GPC6: variants seen among roughly 807,000 people sequenced by gnomAD.
GPC6 encodes glypican-6.
Under a neutral mutation model 55.2 loss-of-function variants are expected in GPC6, and 14 were observed. The observed-to-expected ratio is 0.25, with a 90% CI of 0.17 to 0.40. GPC6 has a LOEUF of 0.40. GPC6 is among the 10% of genes least tolerant of loss of function. GPC6 has a pLI of 1.00. For missense variants in GPC6, 641 were observed against 708.5 expected (o/e 0.90, Z 1.08); for synonymous variants, 278 against 259.6 (o/e 1.07, Z -0.68).
Position 93,534,667 on chromosome 13 carries a change from G to A in GPC6, c.161-10596G>A, listed in dbSNP as rs1052939337. ...GTAGTGAAAATGAACATCTGGGCAA[G>A]CATTTGGGAAAATATCTTGTGAAGA... On this transcript the variant is annotated intron_variant, in intron 1 of 8. Coordinates refer to ENST00000377047, the MANE Select transcript of GPC6 (RefSeq NM_005708.5). Among the ~76,000 whole-genome samples, 7 of 152,298 alleles carry A rather than the reference G, an allele frequency of 4.6e-5. No individual in the cohort carries two copies. The East Asian group carries it at 1.2e-3, about 25-fold the overall frequency.
chr13:94,198,833 CT>C (rs1365745519), intron 4 of GPC6, among the ~76,000 whole-genome samples: 1 of 152,198 alleles, frequency 6.6e-6, no homozygotes, highest in African/African-American at 2.4e-5. Context: ...GCTCAACCCC[CT>C]GCCGGAGCTG....
intron 4 of GPC6, among the ~76,000 whole-genome samples, chr13:94,153,697 A>T (rs533524329): frequency 3.0e-4 from 45 of 152,324 alleles, no homozygotes; most frequent in Non-Finnish European, 5.9e-4. Flanking sequence ...TTAAATGTGG[A>T]CTAGGTTCTT....
intron 2 of GPC6, among the ~76,000 whole-genome samples, chr13:93,713,573 T>C (rs893571897): frequency 7.9e-5 from 12 of 151,880 alleles, no homozygotes; most frequent in African/African-American, 2.2e-4. Context: ...TAATTATAGC[T>C]CACTGAAACC....
intron 1 of GPC6, among the ~76,000 whole-genome samples, chr13:93,403,974 A>G (rs554959753): frequency 1.3e-5 from 2 of 152,220 alleles, no homozygotes; most frequent in East Asian, 3.9e-4. Context: ...TCATGGAATC[A>G]TCTTGATATT....
chr13:93,977,467 G>GGTGT lies in GPC6; in HGVS notation c.712-50214_712-50211dup, dbSNP rs4001797. 5.5e-3 allele frequency among the ~76,000 whole-genome samples: 755 copies of GGTGT among 137,354 alleles called. 7 individuals carry two copies. The highest frequency in any genetic ancestry group is 0.014 in the African/African-American group (527 of 37,098). 90.1% of individuals were successfully genotyped at this position (137,354 alleles called of 152,430 possible). On this transcript the variant is annotated intron_variant, in intron 3 of 8. Transcript: ENST00000377047. The stretch of plus-strand genomic sequence containing the variant: ...TCTATGATTTGCCAAGATGACAAGG[G>GGTGT]GTGTGTGTGTGTGTGTGTGTGTGTG...
chr13:94,239,483 C>G (rs1890985665), intron 4 of GPC6, among the ~76,000 whole-genome samples: 1 of 152,076 alleles, frequency 6.6e-6, no homozygotes, highest in Admixed American at 6.6e-5. Flanking sequence ...TAGAGCACCA[C>G]ATGTAGATGA....
chr13:93,337,454 A>G lies in GPC6; in HGVS notation c.160+109838A>G, dbSNP rs1358445071. Among the ~76,000 whole-genome samples, 3 of 152,060 alleles carry G rather than the reference A, an allele frequency of 2.0e-5. No homozygotes were observed. In the East Asian group the frequency reaches 5.8e-4, roughly 29 times the overall value. On this transcript the variant is annotated intron_variant, in intron 1 of 8. Transcript: ENST00000377047. The stretch of plus-strand genomic sequence containing the variant: ...TGCTTTATATGTATCTACTCATTTA[A>G]TTTTCACAACAGTCCTACTTATTAA...
chr13:93,319,823 A>G (rs2139120925), intron 1 of GPC6, among the ~76,000 whole-genome samples: 1 of 152,224 alleles, frequency 6.6e-6, no homozygotes, highest in East Asian at 1.9e-4. Flanking sequence ...TAGATGAGAA[A>G]AATACATATG....
At chr13:93,906,693 C>T (rs977867131) in intron 3 of GPC6, among the ~76,000 whole-genome samples, 1 of 152,136 alleles carries the variant, frequency 6.6e-6, no homozygotes, top group African/African-American at 2.4e-5. Context: ...ATTCAAATGA[C>T]GTTTATATCC....
intron 1 of GPC6, among the ~76,000 whole-genome samples, chr13:93,362,244 T>C (rs1881065146): frequency 6.6e-6 from 1 of 152,214 alleles, no homozygotes; most frequent in African/African-American, 2.4e-5. Context: ...CAGTTCTTCC[T>C]GGAGAGAATT....
intron 8 of GPC6, among the ~76,000 whole-genome samples, chr13:94,401,647 A>C (rs906251854): frequency 8.4e-5 from 3 of 35,770 alleles, no homozygotes; most frequent in African/African-American, 1.9e-4. Context: ...CTAACGTGAT[A>C]ATATGTATGT....
chr13:94,095,255 G>A (rs1885619097), intron 4 of GPC6, among the ~76,000 whole-genome samples: 1 of 152,254 alleles, frequency 6.6e-6, no homozygotes, highest in South Asian at 2.1e-4. Context: ...AAAAAGAGTA[G>A]TAGGAAGTAA....
At chr13:93,265,161 G>A (rs2139045543) in intron 1 of GPC6, among the ~76,000 whole-genome samples, 1 of 152,298 alleles carries the variant, frequency 6.6e-6, no homozygotes, top group South Asian at 2.1e-4. Flanking sequence ...GGAAATTATA[G>A]TAAGATATAT....
intron 3 of GPC6, among the ~76,000 whole-genome samples, chr13:93,890,374 G>A (rs1875597856): frequency 6.6e-6 from 1 of 152,052 alleles, no homozygotes. Context: ...TCTCTTGAGG[G>A]ACTTCTGCAT....
chr13:93,442,262 G>T (rs1877833738), intron 1 of GPC6, among the ~76,000 whole-genome samples: 2 of 152,090 alleles, frequency 1.3e-5, no homozygotes, highest in African/African-American at 2.4e-5. Context: ...TAGCAGCATT[G>T]TGCAGGTGGA....
chr13:93,406,529 A>G (rs1034347567), intron 1 of GPC6, among the ~76,000 whole-genome samples: 2 of 152,242 alleles, frequency 1.3e-5, no homozygotes, highest in Non-Finnish European at 2.9e-5. Flanking sequence ...AGTAAAGTTT[A>G]TAAAAATGTG....
intron 1 of GPC6, among the ~76,000 whole-genome samples, chr13:93,488,964 C>T (rs1879843160): frequency 6.6e-6 from 1 of 151,892 alleles, no homozygotes; most frequent in African/African-American, 2.4e-5. Context: ...TGCAGAAGCT[C>T]TTTAGTTTAA....
At chr13:93,785,861 C>A (rs1885801029) in intron 2 of GPC6, among the ~76,000 whole-genome samples, 1 of 151,952 alleles carries the variant, frequency 6.6e-6, no homozygotes, top group Non-Finnish European at 1.5e-5. Flanking sequence ...ACTTGGGAGG[C>A]TGAAGTGAAA....
Position 94,256,061 on chromosome 13 carries a change from G to GA in GPC6, c.878-30279dup, listed in dbSNP as rs572143553. 1.3e-4 allele frequency among the ~76,000 whole-genome samples: 19 copies of GA among 149,412 alleles called. No homozygotes were observed. In the East Asian group the frequency reaches 2.4e-3, roughly 19 times the overall value. On this transcript the variant is annotated intron_variant, in intron 4 of 8. Transcript: ENST00000377047. ...AGAAGCGCTGGACAAAATCAAAGTG[G>GA]AAAAAAAAACAGTCAGTAAAGATAG...
Sources: gnomAD v4.1 joint callset for allele counts (sites outside exome capture counted in the v4.1 genomes callset) on GRCh38, gnomAD v4.1.1 for gene constraint, MANE v1.5 for transcripts, NCBI Gene and HGNC (gene_info 2026-07-23, HGNC 2026-07-21) for gene names.